Variants in AMPD3 observed in about 807,000 individuals in gnomAD.
AMPD3 encodes the protein AMP deaminase 3.
A neutral mutation model predicts 82.3 loss-of-function variants in AMPD3; 57 were observed. The observed-to-expected ratio is 0.69, with a 90% CI of 0.56 to 0.86. AMPD3 has a LOEUF of 0.86. Among genes scored for constraint, AMPD3 ranks in the 40% least tolerant of loss-of-function variants. AMPD3 has a pLI of 0.00. For synonymous variants in AMPD3, 381 were observed against 394.7 expected (o/e 0.97, Z 0.41); for missense variants, 870 against 1,003.8 (o/e 0.87, Z 1.80).
chr11:10,498,918 T>A (rs1167707284), intron 10 of AMPD3, among the ~76,000 whole-genome samples: 2 of 152,216 alleles, frequency 1.3e-5, no homozygotes, highest in Non-Finnish European at 2.9e-5. Flanking sequence ...ACCCCTGGGA[T>A]CAGCCAGAAG....
At chr11:10,453,043 G>A (rs1019480241), upstream of AMPD3, among the ~76,000 whole-genome samples, 8 of 151,986 alleles carry the variant, frequency 5.3e-5, no homozygotes, top group Non-Finnish European at 7.4e-5. Context: ...TCCACCTCCC[G>A]GGTTCAAGCG....
chr11:10,464,310 G>A (rs944405314), intron 2 of AMPD3, among the ~76,000 whole-genome samples: 3 of 152,202 alleles, frequency 2.0e-5, no homozygotes, highest in Admixed American at 2.0e-4. Context: ...TTATCAAATG[G>A]ATATTCTTAG....
chr11:10,496,207 A>C, intron 9 of AMPD3: 1 of 985,246 alleles, frequency 1.0e-6, no homozygotes, highest in Non-Finnish European at 1.2e-6. Context: ...GAGCCACTGC[A>C]TCCAGCTGAC....
intron 1 of AMPD3, 176 bp from the exon 2 acceptor site, chr11:10,461,339 C>T (rs933741878): frequency 2.6e-5 from 42 of 1,586,506 alleles, no homozygotes; most frequent in Non-Finnish European, 3.4e-5. Flanking sequence ...GCTTCACATC[C>T]AGTTACTTAT....
At chr11:10,475,705 T>TCATGGGAGGAGGG (rs1848718591) in intron 2 of AMPD3, among the ~76,000 whole-genome samples, 1 of 152,162 alleles carries the variant, frequency 6.6e-6, no homozygotes, top group East Asian at 1.9e-4. Context: ...GAGAGCTTTC[T>TCATGGGAGGAGGG]GAGTGTAGGA....
intron 2 of AMPD3, among the ~76,000 whole-genome samples, chr11:10,467,202 G>A (rs1051879778): frequency 1.3e-5 from 2 of 151,640 alleles, no homozygotes; most frequent in South Asian, 4.3e-4. Flanking sequence ...CAGAAGGTGG[G>A]TAATAACAAA....
In AMPD3 at chr11:10,456,232, T is replaced by C. The variant is rs1848088744; in HGVS notation, c.-6+784T>C. 3.4e-6 allele frequency: 5 copies of C among 1,488,454 alleles called. No individual in the cohort carries two copies. Among genetic ancestry groups the C allele is most frequent in the East Asian group, 4.7e-5 (2 of 42,888 alleles). The allele number at this position is 1,488,454 out of a possible 1,614,324, so 92.2% of individuals were successfully genotyped here. A position where few individuals can be genotyped will look rare whatever the true frequency, so the allele number is the denominator to read the frequency against. ...CCAGGCTTTTCCTGCTCTGGCTCAC[T>C]GCTGCTCACAGATATGCAAAACAGA... is the stretch of plus-strand genomic sequence containing the variant. On this transcript the variant is annotated intron_variant, in intron 1 of 14. Transcript: ENST00000396553. The surrounding 1 kb of genome is among the most constrained non-coding windows in gnomAD (Gnocchi z 4.3).
intron 10 of AMPD3, chr11:10,497,509 G>GGTGATGGGATCGA: frequency 1.1e-6 from 1 of 904,478 alleles, no homozygotes. Context: ...GGGATCGAGG[G>GGTGATGGGATCGA]GGTATCAGAT....
Position 10,482,214 on chromosome 11 carries a change from A to G in AMPD3, c.578A>G (p.Glu193Gly). 1 of 1,611,928 alleles carries G rather than the reference A, an allele frequency of 6.2e-7. No individual in the cohort carries two copies. The highest frequency in any genetic ancestry group is 8.5e-7 in the Non-Finnish European group (1 of 1,179,366). The change falls in exon 4 of 15, where the codon GAG becomes GGG. Residue 193 changes from glutamate to glycine, a missense_variant. Transcript: ENST00000396553. Reference protein sequence around the residue: ...HPRADTAPPEEGLPDFHPPPL... With the variant: ...HPRADTAPPEGGLPDFHPPPL... ...CGGGCGGATACTGCACCTCCGGAAG[A>G]GGGCCTTCCAGGTATGGAGCTCTGG...
At chr11:10,468,927 A>G (rs1591448711) in intron 2 of AMPD3, among the ~76,000 whole-genome samples, 2 of 152,244 alleles carry the variant, frequency 1.3e-5, no homozygotes, top group Non-Finnish European at 2.9e-5. Flanking sequence ...AGAAATAAAG[A>G]TGTTCTTTGA....
intron 1 of AMPD3, among the ~76,000 whole-genome samples, chr11:10,459,582 C>G (rs991885997): frequency 6.6e-6 from 1 of 152,246 alleles, no homozygotes; most frequent in East Asian, 1.9e-4. Context: ...TCTGTCTGGT[C>G]CACAAAACCA....
intron 10 of AMPD3, among the ~76,000 whole-genome samples, chr11:10,498,737 G>C (rs553599669): frequency 6.6e-6 from 1 of 152,214 alleles, no homozygotes; most frequent in Non-Finnish European, 1.5e-5. Flanking sequence ...GGTCTGGGGC[G>C]TGGGCTGGGA....
rs58115104 is a variant in AMPD3 at position 10,455,372 on chromosome 11, T to G, written c.-82T>G. ...CTCCTGTGGGTCACTTGAGGCAGGC[T>G]CCACCTTCCCCAGGAGGAGTGGCAG... On this transcript the variant is annotated 5_prime_UTR_variant, in exon 1 of 15. Coordinates refer to ENST00000396553, the MANE Select transcript of AMPD3 (RefSeq NM_001025389.2). 116,470 of 985,162 alleles carry G rather than the reference T, an allele frequency of 0.12. 7,052 individuals are homozygous for G. Among genetic ancestry groups the G allele is most frequent in the African/African-American group, 0.18 (10,577 of 57,232 alleles). 61.0% of individuals were successfully genotyped at this position (985,162 alleles called of 1,614,324 possible). A position where few individuals can be genotyped will look rare whatever the true frequency, so the allele number is the denominator to read the frequency against.
At chr11:10,487,448 T>C in intron 6 of AMPD3, 84 bp downstream of exon 6, 1 of 1,596,302 alleles carries the variant, frequency 6.3e-7, no homozygotes, top group Admixed American at 1.7e-5. Flanking sequence ...CTGAGGCTTG[T>C]CCCCTGTGAG....
At chr11:10,505,066 A>G in intron 14 of AMPD3, 2 of 968,864 alleles carry the variant, frequency 2.1e-6, no homozygotes, top group South Asian at 4.8e-5. Flanking sequence ...TCCCTGGCAC[A>G]TAGCAGGCGC....
At chr11:10,461,377 G>C (rs945144462) in intron 1 of AMPD3, 138 bp from the exon 2 acceptor site, 3 of 1,597,080 alleles carry the variant, frequency 1.9e-6, no homozygotes, top group Non-Finnish European at 2.5e-6. Context: ...TGGCATGCTG[G>C]GTTTGGTCTG....
chr11:10,479,665 A>ATACCTAC (rs1564846325), intron 3 of AMPD3, among the ~76,000 whole-genome samples: 3 of 152,216 alleles, frequency 2.0e-5, no homozygotes, highest in African/African-American at 7.2e-5. Flanking sequence ...ATGTACCTAC[A>ATACCTAC]ATTATTTATG....
At chr11:10,494,695 G>T (rs1194031263) in intron 7 of AMPD3, 1 of 985,254 alleles carries the variant, frequency 1.0e-6, no homozygotes, top group Non-Finnish European at 1.2e-6. Flanking sequence ...CCTTCACAGG[G>T]GGCCTTGCCA....
At chr11:10,494,691 C>A in intron 7 of AMPD3, 1 of 985,408 alleles carries the variant, frequency 1.0e-6, no homozygotes, top group Non-Finnish European at 1.2e-6. Context: ...TGTTCCTTCA[C>A]AGGGGGCCTT....
Sources: gnomAD v4.1 joint callset for allele counts (sites outside exome capture counted in the v4.1 genomes callset) on GRCh38, gnomAD v4.1.1 for gene constraint, Gnocchi (gnomAD v3.1) non-coding constraint, MANE v1.5 for transcripts, NCBI Gene and HGNC (gene_info 2026-07-23, HGNC 2026-07-21) for gene names.